The following MSR1 variants were observed in gnomAD, a reference collection of about 807,000 sequenced individuals.
MSR1 encodes the protein macrophage scavenger receptor types I and II.
In MSR1, 53 loss-of-function variants were observed where a neutral mutation model predicts 47.2. That is an observed-to-expected ratio of 1.12 (90% CI 0.90 to 1.41). MSR1 has a LOEUF of 1.41. MSR1 is among the 40% of genes most tolerant of loss of function. The pLI is 0.00. For missense variants in MSR1, 786 were observed against 546.9 expected (o/e 1.44, Z -4.36); for synonymous variants, 239 against 185.6 (o/e 1.29, Z -2.34).
intron 6 of MSR1, among the ~76,000 whole-genome samples, chr8:16,152,182 G>A (rs1441405684): frequency 1.3e-5 from 2 of 152,044 alleles, no homozygotes; most frequent in South Asian, 4.1e-4. Context: ...TACGTACACA[G>A]TTAGCAGTGA....
chr8:16,133,924 G>A (rs1001001532), intron 8 of MSR1, among the ~76,000 whole-genome samples: 14 of 152,172 alleles, frequency 9.2e-5, no homozygotes, highest in Admixed American at 6.5e-4. Flanking sequence ...AACCAGTTGA[G>A]ATGTCTGTGG....
At chr8:16,153,048 A>G (rs1800903720) in intron 6 of MSR1, among the ~76,000 whole-genome samples, 1 of 152,078 alleles carries the variant, frequency 6.6e-6, no homozygotes, top group South Asian at 2.1e-4. Context: ...TAATTCTACT[A>G]TATTTAATGT....
At chr8:16,142,342 C>G (rs1800581000) in intron 8 of MSR1, among the ~76,000 whole-genome samples, 1 of 151,880 alleles carries the variant, frequency 6.6e-6, no homozygotes. Flanking sequence ...AACAAACAAA[C>G]AAACAAACAA....
At chr8:16,189,016 G>A (rs1485224586) in intron 1 of MSR1, among the ~76,000 whole-genome samples, 4 of 143,514 alleles carry the variant, frequency 2.8e-5, no homozygotes, top group South Asian at 2.2e-4. Flanking sequence ...ATATATATAT[G>A]TGTTGAATTA....
At chr8:16,117,440 A>G (rs985591251) in intron 9 of MSR1, among the ~76,000 whole-genome samples, 4 of 152,120 alleles carry the variant, frequency 2.6e-5, no homozygotes. Flanking sequence ...GACTCATATC[A>G]AAAACCCTGT....
chr8:16,169,948 C>A (rs911106715), intron 3 of MSR1, among the ~76,000 whole-genome samples: 1 of 151,966 alleles, frequency 6.6e-6, no homozygotes, highest in Non-Finnish European at 1.5e-5. Flanking sequence ...TGATAGATAT[C>A]CCCAAATGGG....
chr8:16,116,669 A>G (rs1206764416), intron 9 of MSR1, among the ~76,000 whole-genome samples: 4 of 152,044 alleles, frequency 2.6e-5, no homozygotes, highest in African/African-American at 9.7e-5. Flanking sequence ...TAGACCAGAA[A>G]TCCCTACTTT....
chr8:16,183,845 G>C (rs932062185), intron 1 of MSR1, among the ~76,000 whole-genome samples: 8 of 141,064 alleles, frequency 5.7e-5, no homozygotes, highest in Non-Finnish European at 1.2e-4. Flanking sequence ...ATATATCATA[G>C]AATTGGCAAT....
chr8:16,114,025 C>A (rs933816711), intron 9 of MSR1, among the ~76,000 whole-genome samples: 1 of 151,994 alleles, frequency 6.6e-6, no homozygotes, highest in Non-Finnish European at 1.5e-5. Context: ...GCTGTATGGA[C>A]CAGCCCTATA....
At chr8:16,172,815 C>T (rs1801524478) in intron 3 of MSR1, among the ~76,000 whole-genome samples, 1 of 152,006 alleles carries the variant, frequency 6.6e-6, no homozygotes, top group Non-Finnish European at 1.5e-5. Flanking sequence ...GAAAATACCC[C>T]TCAATATATA....
In MSR1 at chr8:16,120,610, T is replaced by C; in HGVS notation, c.1034-4A>G. 1 of 1,483,682 alleles carries C rather than the reference T, an allele frequency of 6.7e-7. No homozygotes were observed. Among genetic ancestry groups the C allele is most frequent in the Non-Finnish European group, 8.7e-7 (1 of 1,143,150 alleles). 91.9% of individuals were successfully genotyped at this position (1,483,682 alleles called of 1,614,324 possible). A position where few individuals can be genotyped will look rare whatever the true frequency, so the allele number is the denominator to read the frequency against. On this transcript the variant is annotated splice_polypyrimidine_tract_variant and splice_region_variant and intron_variant, in intron 8 of 9. Transcript: ENST00000262101. ...AGTCGAACTTTCGTAAATGGAGCTG[T>C]AAAGTTAAAAAAAAAAAAAAAAAAA... is the stretch of plus-strand genomic sequence containing the variant.
chr8:16,180,407 G>C (rs139514269), intron 1 of MSR1, among the ~76,000 whole-genome samples: 4 of 152,250 alleles, frequency 2.6e-5, no homozygotes, highest in African/African-American at 9.6e-5. Flanking sequence ...GGGGGCTCAA[G>C]AATTTGCAAT....
chr8:16,126,888 G>T (rs1024336517), intron 8 of MSR1, among the ~76,000 whole-genome samples: 1 of 152,082 alleles, frequency 6.6e-6, no homozygotes, highest in Non-Finnish European at 1.5e-5. Context: ...TTACTTAATG[G>T]TTCTAAATCC....
chr8:16,150,627 G>C (rs1585163706), intron 6 of MSR1, among the ~76,000 whole-genome samples: 1 of 152,044 alleles, frequency 6.6e-6, no homozygotes, highest in Admixed American at 6.6e-5. Flanking sequence ...TCATCAAATG[G>C]CAGGATCTTG....
intron 8 of MSR1, among the ~76,000 whole-genome samples, chr8:16,121,835 A>T (rs1800012199): frequency 6.6e-6 from 1 of 151,584 alleles, no homozygotes. Flanking sequence ...AATTGAAGAA[A>T]TATTCAGTAA....
chr8:16,157,070 T>A (rs1191343250), intron 5 of MSR1, among the ~76,000 whole-genome samples: 1 of 151,936 alleles, frequency 6.6e-6, no homozygotes, highest in Non-Finnish European at 1.5e-5. Context: ...TAATCAAGGA[T>A]GGTATTTTGA....
At chr8:16,119,226 A>G (rs930545809) in intron 9 of MSR1, among the ~76,000 whole-genome samples, 1 of 152,056 alleles carries the variant, frequency 6.6e-6, no homozygotes, top group Non-Finnish European at 1.5e-5. Flanking sequence ...CTTAAACCTA[A>G]TATGATAATT....
At position 16,168,675 on chromosome 8, in the gene MSR1, G is replaced by C. The variant is rs1338947647; in HGVS notation, c.413C>G (p.Thr138Arg). 1.2e-6 allele frequency: 2 copies of C among 1,613,988 alleles called. No homozygotes were observed. The highest frequency in any genetic ancestry group is 1.3e-5 in the African/African-American group (1 of 74,922). ...CATGCTGAAATTTTGGAAATGCTCT[G>C]TGTCCATGAGGTTGGCTTCCATGTC... is the stretch of plus-strand genomic sequence containing the variant. ...ILDMEANLMD[T>R]EHFQNFSMTT... The change falls in exon 4 of 10, where the codon ACA (threonine) becomes AGA (arginine). Residue 138 changes from threonine to arginine, a missense_variant. By Grantham distance (71) the Thr-to-Arg change is moderately conservative (BLOSUM62 -1). Transcript: ENST00000262101.
rs1285296375 is a variant in MSR1 at position 16,107,969 on chromosome 8, T to C, written c.*2116A>G. 6.6e-6 allele frequency: 1 copy of C among 151,930 alleles called. No individual in the cohort carries two copies. Among genetic ancestry groups the C allele is most frequent in the Non-Finnish European group, 1.5e-5 (1 of 67,930 alleles). The allele number at this position is 151,930 out of a possible 1,614,324, so 9.4% of individuals were successfully genotyped here. The stretch of plus-strand genomic sequence containing the variant: ...AATTTGTATTGGTGCTATTAGGTTC[T>C]TTTCTTGACTGGACTGAACTTAGTA... On this transcript the variant is annotated 3_prime_UTR_variant, in exon 10 of 10. Coordinates refer to ENST00000262101, the MANE Select transcript of MSR1 (RefSeq NM_138715.3).
Sources: allele counts gnomAD v4.1 joint callset (sites outside exome capture counted in the v4.1 genomes callset), GRCh38; gene constraint gnomAD v4.1.1; transcripts MANE v1.5; gene names NCBI Gene and HGNC (gene_info 2026-07-23, HGNC 2026-07-21).